The following CAMK1D variants were observed in gnomAD, a reference collection of about 807,000 sequenced individuals.
The protein encoded by CAMK1D is calcium/calmodulin-dependent protein kinase type 1D.
Under a neutral mutation model 47.7 loss-of-function variants are expected in CAMK1D, and 9 were observed. The ratio of observed to expected loss-of-function variants is 0.19; its 90% CI spans 0.11 to 0.33. The LOEUF is 0.33. Ranked by LOEUF, CAMK1D falls within the 10% of genes least tolerant of loss-of-function variation. The pLI is 1.00. For synonymous variants in CAMK1D, 184 were observed against 184.9 expected, an observed-to-expected ratio of 0.99 and a Z score of 0.04; for missense variants, 291 against 488.7, an observed-to-expected ratio of 0.60 and a Z score of 3.81.
intron 1 of CAMK1D, among the ~76,000 whole-genome samples, chr10:12,392,967 A>G (rs1838793309): frequency 6.6e-6 from 1 of 151,944 alleles, no homozygotes; most frequent in Non-Finnish European, 1.5e-5. Flanking sequence ...CCTGATCTGG[A>G]CCAGGTTCTT....
intron 2 of CAMK1D, among the ~76,000 whole-genome samples, chr10:12,575,478 C>G (rs1014931511): frequency 1.3e-5 from 2 of 152,172 alleles, no homozygotes; most frequent in African/African-American, 4.8e-5. Context: ...TGGAATCCCC[C>G]TTGGTTTGTC....
At chr10:12,622,656 CA>C (rs1441595807) in intron 2 of CAMK1D, among the ~76,000 whole-genome samples, 4 of 152,220 alleles carry the variant, frequency 2.6e-5, no homozygotes, top group South Asian at 4.1e-4. Flanking sequence ...GTTTAGCACC[CA>C]GGTCCTTGTC....
intron 1 of CAMK1D, among the ~76,000 whole-genome samples, chr10:12,488,627 A>G (rs537178945): frequency 6.6e-6 from 1 of 152,298 alleles, no homozygotes; most frequent in African/African-American, 2.4e-5. Flanking sequence ...AGATAATTCT[A>G]CAACTCACCA....
chr10:12,476,320 C>G (rs1292934071), intron 1 of CAMK1D, among the ~76,000 whole-genome samples: 1 of 151,802 alleles, frequency 6.6e-6, no homozygotes, highest in African/African-American at 2.4e-5. Context: ...AGAGTGAATC[C>G]CAGATCTCTA....
At chr10:12,703,480 A>G (rs1833607371) in intron 3 of CAMK1D, among the ~76,000 whole-genome samples, 1 of 152,210 alleles carries the variant, frequency 6.6e-6, no homozygotes, top group Non-Finnish European at 1.5e-5. Context: ...TTAGTAATAG[A>G]CACTGCCATT....
intron 1 of CAMK1D, among the ~76,000 whole-genome samples, chr10:12,385,411 G>A (rs923950824): frequency 1.3e-5 from 2 of 152,192 alleles, no homozygotes; most frequent in Non-Finnish European, 2.9e-5. Flanking sequence ...TGTGATATTT[G>A]GCTGTAAAAA....
At chr10:12,538,618 G>A (rs1376965504) in intron 1 of CAMK1D, among the ~76,000 whole-genome samples, 2 of 152,170 alleles carry the variant, frequency 1.3e-5, no homozygotes. Flanking sequence ...TGAGGATGGA[G>A]TGCCAGTTCC....
intron 1 of CAMK1D, among the ~76,000 whole-genome samples, chr10:12,436,278 A>G (rs935504960): frequency 6.6e-6 from 1 of 152,160 alleles, no homozygotes; most frequent in Non-Finnish European, 1.5e-5. Flanking sequence ...TCCTGTCGAT[A>G]GAGTCTAGAG....
Position 12,349,911 on chromosome 10 carries a change from G to A in CAMK1D, c.92+1G>A. The stretch of plus-strand genomic sequence containing the variant: ...TCGAGTTCAAAGAGACCCTCGGAAC[G>A]TAAGTGGGGACCGGGGAGGCGAGGG... On this transcript the variant is annotated splice_donor_variant, in intron 1 of 10. Coordinates refer to ENST00000619168, the MANE Select transcript of CAMK1D (RefSeq NM_153498.4). LOFTEE classifies it high-confidence loss of function. The A allele has an allele frequency of 6.5e-7, 1 of 1,537,960 alleles. No homozygotes were observed. Among genetic ancestry groups the A allele is most frequent in the Non-Finnish European group, 8.8e-7 (1 of 1,138,332 alleles).
chr10:12,448,660 C>T (rs921269762), intron 1 of CAMK1D, among the ~76,000 whole-genome samples: 8 of 152,146 alleles, frequency 5.3e-5, no homozygotes, highest in Admixed American at 2.0e-4. Flanking sequence ...AACATTTTTT[C>T]GACATCAGAT....
chr10:12,379,868 G>T (rs1838288600), intron 1 of CAMK1D, among the ~76,000 whole-genome samples: 1 of 152,134 alleles, frequency 6.6e-6, no homozygotes, highest in Non-Finnish European at 1.5e-5. Context: ...TTTCAAAAAT[G>T]TGCCAGAAAG....
At chr10:12,439,905 AAGAG>A (rs770149202) in intron 1 of CAMK1D, among the ~76,000 whole-genome samples, 1 of 152,326 alleles carries the variant, frequency 6.6e-6, no homozygotes, top group East Asian at 1.9e-4. Context: ...GGCGGCAGGC[AAGAG>A]AGAGAATGAG....
chr10:12,644,760 C>T (rs1022628991), intron 2 of CAMK1D, among the ~76,000 whole-genome samples: 1 of 152,180 alleles, frequency 6.6e-6, no homozygotes, highest in South Asian at 2.1e-4. Context: ...CTTAACTCCA[C>T]AGAGAAAATG....
At chr10:12,524,991 T>G (rs1292092445) in intron 1 of CAMK1D, among the ~76,000 whole-genome samples, 1 of 152,192 alleles carries the variant, frequency 6.6e-6, no homozygotes, top group Non-Finnish European at 1.5e-5. Context: ...TTCTAAATGG[T>G]ATTTTATTGG....
chr10:12,540,922 GTTT>G (rs200320640), intron 1 of CAMK1D, among the ~76,000 whole-genome samples: 19,986 of 144,960 alleles, frequency 0.14, 1,501 homozygotes, highest in East Asian at 0.32. Context: ...TGAGTTATAG[GTTT>G]TTTTTTTTTT....
At chr10:12,436,371 C>T (rs1220963180) in intron 1 of CAMK1D, among the ~76,000 whole-genome samples, 1 of 152,228 alleles carries the variant, frequency 6.6e-6, no homozygotes, top group Admixed American at 6.5e-5. Context: ...GGACATCCCT[C>T]AGCCTCGCTG....
At chr10:12,802,857 T>C (rs1313487681) in intron 6 of CAMK1D, among the ~76,000 whole-genome samples, 2 of 152,170 alleles carry the variant, frequency 1.3e-5, no homozygotes, top group Admixed American at 6.5e-5. Context: ...TGGCCTCGTC[T>C]CTGGCTCTGT....
intron 1 of CAMK1D, among the ~76,000 whole-genome samples, chr10:12,536,842 C>T (rs1384381958): frequency 6.6e-6 from 1 of 151,854 alleles, no homozygotes; most frequent in Non-Finnish European, 1.5e-5. Context: ...ATGTAGATCT[C>T]ATCAGTTAGT....
rs148112962 is a variant in CAMK1D at position 12,770,764 on chromosome 10, T to C, written c.565+965T>C. 5.6e-4 allele frequency among the ~76,000 whole-genome samples: 85 copies of C among 152,050 alleles called. 2 individuals carry two copies. In the South Asian group the frequency reaches 0.013, roughly 22 times the overall value. Reference sequence around the variant, plus strand: ...CTCAGTGGCAAGAAGAAGCCAGCCATGTGGGAGTTACAGGACAGCATCCCA... The same window carrying C: ...CTCAGTGGCAAGAAGAAGCCAGCCACGTGGGAGTTACAGGACAGCATCCCA... On this transcript the variant is annotated intron_variant, in intron 5 of 10. Transcript: ENST00000619168.
Sources: gnomAD v4.1 joint callset for allele counts (sites outside exome capture counted in the v4.1 genomes callset) on GRCh38, gnomAD v4.1.1 for gene constraint, MANE v1.5 for transcripts, NCBI Gene and HGNC (gene_info 2026-07-23, HGNC 2026-07-21) for gene names.